Variants in GPHN observed in about 807,000 individuals in gnomAD.
The protein encoded by GPHN is gephyrin.
Under a neutral mutation model 95.5 loss-of-function variants are expected in GPHN, and 17 were observed. That is an observed-to-expected ratio of 0.18 (90% CI 0.12 to 0.27). GPHN has a LOEUF of 0.27. Ranked by LOEUF, GPHN falls within the 10% of genes least tolerant of loss-of-function variation. GPHN has a pLI of 1.00. For synonymous variants in GPHN, 320 were observed against 322.5 expected (o/e 0.99, Z 0.08); for missense variants, 660 against 978.1 (o/e 0.67, Z 4.34).
chr14:67,578,291 G>A, the GPHN span: 28,743 of 1,152,090 alleles, frequency 0.025, 798 homozygotes, highest in African/African-American at 0.12. This position sits in a 1 kb window ranked among gnomAD's most constrained non-coding sequence, Gnocchi z 5.0. Flanking sequence ...GCAGGTATAC[G>A]GTGAGCCCAG....
chr14:66,775,497 C>T (rs2059348975), intron 2 of GPHN, among the ~76,000 whole-genome samples: 1 of 151,776 alleles, frequency 6.6e-6, no homozygotes, highest in Admixed American at 6.6e-5. Context: ...TATATTTAAC[C>T]CAATATATCA....
At chr14:67,557,009 C>T in the GPHN span, among the ~76,000 whole-genome samples, 5 of 152,216 alleles carry the variant, frequency 3.3e-5, no homozygotes, top group East Asian at 1.9e-4. Context: ...TTCCACTTAT[C>T]GTCTCCTCTG....
At chr14:67,004,635 A>AG (rs1187991573) in intron 9 of GPHN, among the ~76,000 whole-genome samples, 2 of 151,818 alleles carry the variant, frequency 1.3e-5, no homozygotes, top group African/African-American at 4.8e-5. Flanking sequence ...CTGTGTTCAC[A>AG]GAATAGTCAT....
chr14:66,545,878 C>T (rs1271477896), intron 1 of GPHN, among the ~76,000 whole-genome samples: 6 of 150,270 alleles, frequency 4.0e-5, no homozygotes, highest in Non-Finnish European at 7.4e-5. Flanking sequence ...CCCCCCACCT[C>T]CCTCCTGGAC....
chr14:67,099,490 A>G (rs2077575935), intron 12 of GPHN, among the ~76,000 whole-genome samples: 1 of 152,170 alleles, frequency 6.6e-6, no homozygotes, highest in Non-Finnish European at 1.5e-5. Flanking sequence ...ATAACATTAC[A>G]ATAAAACTCT....
At chr14:67,199,536 T>A in the GPHN span, 1 of 1,609,900 alleles carries the variant, frequency 6.2e-7, no homozygotes, top group South Asian at 1.1e-5. Context: ...GTTGCAGCAA[T>A]TGAAGCCATG....
intron 5 of GPHN, among the ~76,000 whole-genome samples, chr14:66,885,966 T>C (rs1025289050): frequency 7.9e-5 from 12 of 151,842 alleles, no homozygotes; most frequent in African/African-American, 2.4e-4. Flanking sequence ...GTATGATCCA[T>C]TCAAATGAAA....
At chr14:67,169,259 A>G (rs1474420496) in intron 21 of GPHN, 7 of 578,964 alleles carry the variant, frequency 1.2e-5, no homozygotes, top group Non-Finnish European at 2.1e-5. Context: ...ATAGAAGTCC[A>G]TATACGAGTC....
chr14:67,372,629 G>A, the GPHN span, among the ~76,000 whole-genome samples: 10,549 of 152,204 alleles, frequency 0.069, 536 homozygotes, highest in Non-Finnish European at 0.11. Flanking sequence ...AGGAGATTGA[G>A]ACTATCCTGG....
chr14:67,190,942 G>C, the GPHN span, among the ~76,000 whole-genome samples: 55 of 152,152 alleles, frequency 3.6e-4, no homozygotes, highest in African/African-American at 1.3e-3. Context: ...TCATTTAAGA[G>C]CTATCATGTA....
chr14:66,925,905 A>G (rs1409832377), intron 8 of GPHN, among the ~76,000 whole-genome samples: 1 of 152,182 alleles, frequency 6.6e-6, no homozygotes, highest in East Asian at 1.9e-4. Context: ...CATCCTCACC[A>G]GCATTCATTA....
chr14:67,325,713 C>A, the GPHN span, among the ~76,000 whole-genome samples: 3 of 152,112 alleles, frequency 2.0e-5, no homozygotes, highest in Non-Finnish European at 2.9e-5. Context: ...TCCTAACATG[C>A]ACACTTATTT....
intron 16 of GPHN, among the ~76,000 whole-genome samples, chr14:67,117,285 TA>T (rs2078747682): frequency 6.6e-6 from 1 of 152,226 alleles, no homozygotes; most frequent in South Asian, 2.1e-4. Context: ...ATTAAGTCTT[TA>T]AAAGTACTTT....
the GPHN span, among the ~76,000 whole-genome samples, chr14:67,433,203 G>A: frequency 4.6e-3 from 703 of 152,306 alleles, 4 homozygotes; most frequent in African/African-American, 0.016. Context: ...CAGAGCTGAT[G>A]GATGGCTGCT....
chr14:67,684,781 C>A, the GPHN span: 1 of 348,514 alleles, frequency 2.9e-6, no homozygotes, highest in South Asian at 1.0e-4. Context: ...ATAACAAAGA[C>A]AGGAAGAAAA....
chr14:67,378,347 C>T, the GPHN span, among the ~76,000 whole-genome samples: 7 of 138,354 alleles, frequency 5.1e-5, no homozygotes, highest in Admixed American at 3.8e-4. Context: ...TGGTATATCA[C>T]GTGGTAGAAA....
intron 21 of GPHN, among the ~76,000 whole-genome samples, chr14:67,175,021 G>A (rs2082848266): frequency 6.6e-6 from 1 of 152,136 alleles, no homozygotes; most frequent in Non-Finnish European, 1.5e-5. Flanking sequence ...TTTCCATTCT[G>A]TAGGTTGCTT....
chr14:66,604,988 A>T (rs2062449443), intron 1 of GPHN, among the ~76,000 whole-genome samples: 1 of 152,108 alleles, frequency 6.6e-6, no homozygotes, highest in African/African-American at 2.4e-5. Flanking sequence ...GTTAATTAGG[A>T]TAATGGCCTC....
the GPHN span, among the ~76,000 whole-genome samples, chr14:67,353,287 A>T: frequency 6.6e-6 from 1 of 152,216 alleles, no homozygotes; most frequent in Admixed American, 6.5e-5. Context: ...TGACTGGGTC[A>T]TCTGGGATCT....
Sources: allele counts gnomAD v4.1 joint callset (sites outside exome capture counted in the v4.1 genomes callset), GRCh38; gene constraint gnomAD v4.1.1; non-coding constraint Gnocchi (gnomAD v3.1); transcripts MANE v1.5; gene names NCBI Gene and HGNC (gene_info 2026-07-23, HGNC 2026-07-21).